DIAPH2: variants seen among roughly 807,000 people sequenced by gnomAD.
DIAPH2 encodes protein diaphanous homolog 2.
DIAPH2 carries 35 observed loss-of-function variants against 92.7 expected under a neutral mutation model. The observed-to-expected ratio is 0.38, with a 90% CI of 0.29 to 0.50. DIAPH2 has a LOEUF of 0.50. Ranked by LOEUF, DIAPH2 falls within the 20% of genes least tolerant of loss-of-function variation. The pLI, the probability that DIAPH2 is intolerant of heterozygous loss-of-function variation, is 0.94. For missense variants in DIAPH2, 701 were observed against 819.5 expected (o/e 0.86, Z 1.77); for synonymous variants, 301 against 280.4 (o/e 1.07, Z -0.73).
At chrX:97,200,058 C>T (rs1335755985) in intron 22 of DIAPH2, among the ~76,000 whole-genome samples, 1 of 110,427 alleles carries the variant, frequency 9.1e-6, no homozygotes, top group Non-Finnish European at 1.9e-5. Flanking sequence ...AGAGAGTGAG[C>T]ACAAGCAGGA....
intron 19 of DIAPH2, among the ~76,000 whole-genome samples, chrX:97,089,138 C>A (rs867253890): frequency 1.8e-5 from 2 of 112,100 alleles, no homozygotes. Flanking sequence ...TTTTTGGCTG[C>A]CCTAAATCCA....
chrX:97,325,024 T>C (rs1189080140), intron 23 of DIAPH2, among the ~76,000 whole-genome samples: 1 of 112,062 alleles, frequency 8.9e-6, no homozygotes, highest in East Asian at 2.8e-4. Context: ...GGTCTCAAAC[T>C]CCTGACCTCA....
chrX:97,114,399 C>T (rs1455306322), intron 20 of DIAPH2, among the ~76,000 whole-genome samples: 6 of 111,687 alleles, frequency 5.4e-5, no homozygotes, highest in African/African-American at 2.0e-4. Context: ...TTTCCTAGTT[C>T]ACCTCAGGGA....
At position 96,881,586 on chromosome X, in the gene DIAPH2, T is replaced by C. The variant is rs751368009; in HGVS notation, c.455T>C (p.Leu152Pro). Residue 152 changes from leucine (L) to proline (P), a missense_variant, in exon 5 of 27, where the codon CTG (leucine) becomes CCG (proline). Leu to Pro is a moderately conservative substitution (Grantham distance 98, BLOSUM62 -3). This residue lies in a region of DIAPH2 where 131 missense variants were observed against 145.6 expected (regional missense o/e 0.90). Transcript: ENST00000324765. ...TCTTTGTTTATTTTATAGGGTGGGC[T>C]GAAAAACAGCAAACATGAATGCACC... Reference protein sequence around the residue: ...YISATAKSGGLKNSKHECTLS... With the variant: ...YISATAKSGGPKNSKHECTLS... The C allele has an allele frequency of 8.3e-7, 1 of 1,203,706 alleles. No homozygotes were observed. Among genetic ancestry groups the C allele is most frequent in the Non-Finnish European group, 1.1e-6 (1 of 892,075 alleles).
chrX:97,469,441 C>T (rs1222646027), intron 26 of DIAPH2, among the ~76,000 whole-genome samples: 17 of 111,540 alleles, frequency 1.5e-4, no homozygotes, highest in African/African-American at 4.6e-4. Flanking sequence ...GCTGGCAATA[C>T]GCAGTTCATT....
Position 97,527,413 on chromosome X carries a change from C to T in DIAPH2, c.3242-71840C>T, listed in dbSNP as rs7057788. Among the ~76,000 whole-genome samples the T allele has an allele frequency of 7.4e-3, 824 of 111,839 alleles. 9 individuals carry two copies. The highest frequency in any genetic ancestry group is 0.025 in the African/African-American group (782 of 30,820). ...TCCCTGATTAAAAGCAACATATCAG[C>T]GTGTGTTTTTCAAATACAGGCAGTC... On this transcript the variant is annotated intron_variant, in intron 26 of 26. Transcript: ENST00000324765.
intron 26 of DIAPH2, among the ~76,000 whole-genome samples, chrX:97,575,685 G>A (rs1214865542): frequency 8.9e-6 from 1 of 111,879 alleles, no homozygotes; most frequent in Non-Finnish European, 1.9e-5. Context: ...GGAACAATCA[G>A]GAGAAATATT....
At chrX:97,573,868 C>A (rs757663372) in intron 26 of DIAPH2, among the ~76,000 whole-genome samples, 82 of 110,431 alleles carry the variant, frequency 7.4e-4, no homozygotes, top group African/African-American at 2.6e-3. Context: ...ACCATGTTGG[C>A]CAGGCTGGTC....
intron 22 of DIAPH2, among the ~76,000 whole-genome samples, chrX:97,171,666 C>T (rs1251857140): frequency 1.8e-5 from 2 of 111,851 alleles, no homozygotes; most frequent in Non-Finnish European, 3.8e-5. Flanking sequence ...CCGGGCTGGG[C>T]GCGGTGGCTC....
chrX:97,326,033 G>A (rs1309323593), intron 23 of DIAPH2, among the ~76,000 whole-genome samples: 4 of 112,440 alleles, frequency 3.6e-5, no homozygotes, highest in Non-Finnish European at 7.5e-5. Context: ...TTTAGTAAAA[G>A]GAAAGTTAAT....
chrX:97,277,153 A>G (rs2068458431), intron 23 of DIAPH2, among the ~76,000 whole-genome samples: 1 of 111,668 alleles, frequency 9.0e-6, no homozygotes, highest in African/African-American at 3.3e-5. Context: ...TCTGGCCAAC[A>G]TGGGGATAAC....
At chrX:96,838,362 C>A (rs976601720) in intron 4 of DIAPH2, among the ~76,000 whole-genome samples, 1 of 111,858 alleles carries the variant, frequency 8.9e-6, no homozygotes, top group East Asian at 2.8e-4. Context: ...ATAGTCAATA[C>A]ACATTAGGAA....
chrX:97,264,162 T>A (rs2068314830), intron 23 of DIAPH2, among the ~76,000 whole-genome samples: 1 of 111,045 alleles, frequency 9.0e-6, no homozygotes, highest in Admixed American at 9.7e-5. Flanking sequence ...AACTACATCT[T>A]AATGATCTTA....
intron 24 of DIAPH2, among the ~76,000 whole-genome samples, chrX:97,383,322 G>A (rs2069568524): frequency 1.8e-5 from 2 of 110,445 alleles, no homozygotes; most frequent in African/African-American, 6.6e-5. Context: ...CACCATCATC[G>A]CCATCATAGA....
rs371471071 is a variant in DIAPH2 at position 96,957,914 on chromosome X, C to T, written c.1701C>T (p.Pro567=). The T allele has an allele frequency of 1.2e-5, 14 of 1,208,238 alleles. No homozygotes were observed. The highest frequency in any genetic ancestry group is 8.8e-5 in the African/African-American group (5 of 56,717). The change falls in exon 16 of 27, where the codon CCC becomes CCT. Residue 567 remains proline (P), a synonymous_variant. Transcript: ENST00000324765. ...GTGTAGGGCCGCCTCCACCACCACC[C>T]GCGCCACCTCTACCCGGAGGAGCTC... ...LPGVGPPPPP[P]APPLPGGAPL... is the part of the protein sequence containing the mutation.
chrX:97,248,087 A>T (rs781398319), intron 23 of DIAPH2, among the ~76,000 whole-genome samples: 1 of 112,194 alleles, frequency 8.9e-6, no homozygotes. Context: ...AGCCCACAGG[A>T]TATGCAAGGT....
chrX:97,580,858 G>T (rs1359479968), intron 26 of DIAPH2, among the ~76,000 whole-genome samples: 1 of 106,054 alleles, frequency 9.4e-6, no homozygotes, highest in African/African-American at 3.4e-5. Flanking sequence ...CCTGTTATTG[G>T]TCTATTCAGA....
chrX:96,930,790 C>A lies in DIAPH2; in HGVS notation c.1036C>A (p.Arg346=). ...CACTTCTCCTTATGAGCTTGATTTT[C>A]GAATACATTTAAGGAATGAATTCCT... The part of the protein sequence containing the change: ...LVTSPYELDF[R]IHLRNEFLRS... Residue 346 remains arginine (R), a synonymous_variant, in exon 10 of 27, where the codon CGA becomes AGA. Transcript: ENST00000324765. 8.3e-7 allele frequency: 1 copy of A among 1,201,775 alleles called. No homozygotes were observed. The highest frequency in any genetic ancestry group is 1.1e-6 in the Non-Finnish European group (1 of 891,291).
chrX:97,350,500 C>T (rs1333307880), intron 24 of DIAPH2, among the ~76,000 whole-genome samples: 1 of 111,048 alleles, frequency 9.0e-6, no homozygotes, highest in Non-Finnish European at 1.9e-5. Flanking sequence ...CCTGTGTGTA[C>T]TCATATTAGC....
Sources: gnomAD v4.1 joint callset for allele counts (sites outside exome capture counted in the v4.1 genomes callset) on GRCh38, gnomAD v4.1.1 for gene constraint, gnomAD v4.1.1 regional missense constraint, MANE v1.5 for transcripts, NCBI Gene and HGNC (gene_info 2026-07-23, HGNC 2026-07-21) for gene names.